Variants in GLMN observed in about 807,000 individuals in gnomAD.
GLMN encodes the protein glomulin.
A neutral mutation model predicts 87.8 loss-of-function variants in GLMN; 75 were observed. The observed-to-expected ratio is 0.85, with a 90% CI of 0.71 to 1.04. GLMN has a LOEUF of 1.04. Ranked by LOEUF, GLMN falls within the 50% of genes least tolerant of loss-of-function variation. The pLI is 0.00. For missense variants in GLMN, 588 were observed against 658.8 expected (o/e 0.89, Z 1.18); for synonymous variants, 206 against 221.6 (o/e 0.93, Z 0.63).
chr1:92,331,454 C>T, the GLMN span, among the ~76,000 whole-genome samples: 6 of 152,078 alleles, frequency 3.9e-5, no homozygotes, highest in Non-Finnish European at 8.8e-5. Flanking sequence ...ATCATTATTC[C>T]ATTTTTTAGC....
chr1:92,369,256 G>C, the GLMN span, among the ~76,000 whole-genome samples: 1 of 152,042 alleles, frequency 6.6e-6, no homozygotes, highest in Admixed American at 6.6e-5. Flanking sequence ...AGTTATTTGG[G>C]CCCACCATGT....
the GLMN span, among the ~76,000 whole-genome samples, chr1:92,360,112 T>C: frequency 4.6e-5 from 7 of 152,250 alleles, no homozygotes; most frequent in Non-Finnish European, 7.3e-5. Context: ...CTTCAAAATA[T>C]GTACTTTGCA....
At chr1:92,361,846 C>T in the GLMN span, among the ~76,000 whole-genome samples, 1 of 126,234 alleles carries the variant, frequency 7.9e-6, no homozygotes. Context: ...ATGGACGTAA[C>T]TGTTTTCTGT....
rs564705472 is a variant in GLMN, at chr1:92,260,845, A to G, written c.1473+2018T>C. 2.0e-5 allele frequency among the ~76,000 whole-genome samples: 3 copies of G among 152,166 alleles called. No homozygotes were observed. The South Asian group carries it at 6.2e-4, about 32-fold the overall frequency. On this transcript the variant is annotated intron_variant, in intron 16 of 18. Coordinates refer to ENST00000370360, the MANE Select transcript of GLMN (RefSeq NM_053274.3). ...CACCATAAAATGTACATGACAAACAAAAGTGAGGAATTATCTATGGATAGT... is the reference window on the plus strand; with the variant it reads ...CACCATAAAATGTACATGACAAACAGAAGTGAGGAATTATCTATGGATAGT...
intron 7 of GLMN, 48 bp from the exon 8 acceptor site, chr1:92,271,700 GC>G: frequency 3.9e-6 from 5 of 1,271,382 alleles, no homozygotes; most frequent in Non-Finnish European, 3.5e-6. Flanking sequence ...ACTCTAAAAT[GC>G]CCCCCACCCC....
At chr1:92,347,516 TATC>T in the GLMN span, among the ~76,000 whole-genome samples, 1 of 152,216 alleles carries the variant, frequency 6.6e-6, no homozygotes, top group Admixed American at 6.5e-5. Context: ...CTGAAAGTAT[TATC>T]ATCATGAGCA....
the GLMN span, among the ~76,000 whole-genome samples, chr1:92,328,640 T>C: frequency 6.6e-6 from 1 of 152,214 alleles, no homozygotes; most frequent in Non-Finnish European, 1.5e-5. Context: ...TGAATCCTTT[T>C]TCTGGCAATT....
chr1:92,283,390 G>A (rs1648321471), intron 7 of GLMN, among the ~76,000 whole-genome samples: 2 of 152,186 alleles, frequency 1.3e-5, no homozygotes, highest in African/African-American at 4.8e-5. Context: ...CTTAATAGAT[G>A]CAGAAAAGGC....
upstream of GLMN, chr1:92,299,090 G>A: frequency 2.0e-6 from 3 of 1,518,378 alleles, no homozygotes; most frequent in African/African-American, 1.4e-5. Flanking sequence ...GACTTCGCTG[G>A]GCCGTCTTCT....
At chr1:92,249,410 G>A (rs1207474830) in intron 16 of GLMN, among the ~76,000 whole-genome samples, 1 of 151,866 alleles carries the variant, frequency 6.6e-6, no homozygotes, top group Non-Finnish European at 1.5e-5. Flanking sequence ...TCCTTAACCA[G>A]TGTAGCCACA....
the GLMN span, among the ~76,000 whole-genome samples, chr1:92,322,784 G>T: frequency 1.3e-5 from 2 of 151,534 alleles, no homozygotes; most frequent in Non-Finnish European, 2.9e-5. Context: ...GGCCGAGGTG[G>T]GAGAATCGCT....
chr1:92,258,759 G>A (rs1018185217), intron 16 of GLMN, among the ~76,000 whole-genome samples: 5 of 152,094 alleles, frequency 3.3e-5, no homozygotes, highest in South Asian at 2.1e-4. Context: ...GTCAGGGTTC[G>A]GGGGCTAGGG....
intron 16 of GLMN, among the ~76,000 whole-genome samples, chr1:92,255,268 T>C (rs527758869): frequency 6.6e-6 from 1 of 152,232 alleles, no homozygotes; most frequent in Admixed American, 6.5e-5. Context: ...AGCAAGCTCT[T>C]AGAGACCTAC....
chr1:92,324,113 C>G, the GLMN span: 1 of 1,614,048 alleles, frequency 6.2e-7, no homozygotes, highest in Non-Finnish European at 8.5e-7. Flanking sequence ...TGTCTGAAAC[C>G]CGAAGCCTCT....
At chr1:92,320,755 T>A in the GLMN span, 4 of 636,956 alleles carry the variant, frequency 6.3e-6, no homozygotes, top group Non-Finnish European at 1.1e-5. Flanking sequence ...AGTGTCCCAT[T>A]CTAGCCCACA....
chr1:92,344,515 T>A, the GLMN span, among the ~76,000 whole-genome samples: 1 of 152,242 alleles, frequency 6.6e-6, no homozygotes, highest in African/African-American at 2.4e-5. Flanking sequence ...TTTATAAATA[T>A]GCCACAGTTT....
the GLMN span, among the ~76,000 whole-genome samples, chr1:92,363,332 A>G: frequency 6.6e-6 from 1 of 152,224 alleles, no homozygotes; most frequent in East Asian, 1.9e-4. Context: ...ATGATGGAAC[A>G]GGGCAGGTCT....
At chr1:92,304,002 A>G in the GLMN span, 1 of 1,612,300 alleles carries the variant, frequency 6.2e-7, no homozygotes. Context: ...CCTGCTCACT[A>G]CAGTGATGTC....
Position 92,290,286 on chromosome 1 carries a change from T to C in GLMN, c.306A>G (p.Leu102=), listed in dbSNP as rs1352533528. 6.3e-7 allele frequency: 1 copy of C among 1,596,896 alleles called. No individual in the cohort carries two copies. The highest frequency in any genetic ancestry group is 1.7e-5 in the Admixed American group (1 of 60,000). Residue 102 remains leucine, a synonymous_variant, in exon 5 of 19, where the codon TTA becomes TTG. Coordinates refer to ENST00000370360, the MANE Select transcript of GLMN (RefSeq NM_053274.3). ...CAATCAGTTCAAGCAAACCCAACAA[T>C]AATTCCTTTGGATTGCATAACTATA... ...LLVKLCNPKE[L]LLGLLELIEE... is the part of the protein sequence containing the mutation.
Sources: gnomAD v4.1 joint callset for allele counts (sites outside exome capture counted in the v4.1 genomes callset) on GRCh38, gnomAD v4.1.1 for gene constraint, MANE v1.5 for transcripts, NCBI Gene and HGNC (gene_info 2026-07-23, HGNC 2026-07-21) for gene names.